Variants in USP13 observed in about 807,000 individuals in gnomAD.
USP13 encodes ubiquitin specific peptidase 13.
Under a neutral mutation model 107.8 loss-of-function variants are expected in USP13, and 68 were observed. The observed-to-expected ratio is 0.63, with a 90% CI of 0.52 to 0.77. USP13 has a LOEUF of 0.77. Ranked by LOEUF, USP13 falls within the 30% of genes least tolerant of loss-of-function variation. USP13 has a pLI of 0.00. For missense variants in USP13, 945 were observed against 1,093.3 expected (o/e 0.86, Z 1.91); for synonymous variants, 377 against 389.5 (o/e 0.97, Z 0.38).
rs192821066 is a variant in USP13, at chr3:179,721,892, A to G, written c.1088+303A>G. Among the ~76,000 whole-genome samples the G allele has an allele frequency of 2.1e-3, 315 of 152,092 alleles. 1 individual carries two copies. Among genetic ancestry groups the G allele is most frequent in the Middle Eastern group, 0.014 (4 of 294 alleles). On this transcript the variant is annotated intron_variant, in intron 8 of 20. Coordinates refer to ENST00000263966, the MANE Select transcript of USP13 (RefSeq NM_003940.3). This position sits in a 1 kb window ranked among gnomAD's most constrained non-coding sequence, Gnocchi z 4.3. Reference sequence around the variant, plus strand: ...CAAGACCAGCCTGACCAACATGACGAAACCCGTCTCTACTAAAAATACAAA... The same window carrying G: ...CAAGACCAGCCTGACCAACATGACGGAACCCGTCTCTACTAAAAATACAAA...
intron 10 of USP13, 92 bp downstream of exon 10, chr3:179,730,801 AT>A: frequency 8.5e-7 from 1 of 1,174,342 alleles, no homozygotes; most frequent in Non-Finnish European, 1.2e-6. Context: ...GTGGCCATAA[AT>A]TTAGCAAGCT....
intron 1 of USP13, among the ~76,000 whole-genome samples, chr3:179,664,223 C>G (rs1177851058): frequency 6.6e-6 from 1 of 151,250 alleles, no homozygotes; most frequent in Non-Finnish European, 1.5e-5. Context: ...TGGGTTCAAG[C>G]TGGGATTACA....
At chr3:179,656,208 G>T (rs1357717662) in intron 1 of USP13, among the ~76,000 whole-genome samples, 1 of 152,220 alleles carries the variant, frequency 6.6e-6, no homozygotes, top group African/African-American at 2.4e-5. Context: ...AATGTATTTG[G>T]AATAAAAAGA....
At chr3:179,750,352 A>G (rs1714568172) in intron 13 of USP13, among the ~76,000 whole-genome samples, 1 of 146,528 alleles carries the variant, frequency 6.8e-6, no homozygotes, top group Non-Finnish European at 1.5e-5. Flanking sequence ...ATATGTATAT[A>G]TATAAAATAT....
intron 6 of USP13, among the ~76,000 whole-genome samples, chr3:179,717,485 G>A (rs1276858520): frequency 6.6e-6 from 1 of 152,204 alleles, no homozygotes; most frequent in African/African-American, 2.4e-5. Flanking sequence ...AATGGGTTAC[G>A]AACTGTGGAG....
intron 2 of USP13, among the ~76,000 whole-genome samples, chr3:179,687,680 A>AAAAAAAAAAAAAAAAAAAAAAAAC (rs1711924816): frequency 7.1e-6 from 1 of 140,796 alleles, no homozygotes; most frequent in Admixed American, 7.2e-5. Flanking sequence ...AAAAAAAAAA[A>AAAAAAAAAAAAAAAAAAAAAAAAC]AAAAAGGACT....
At chr3:179,750,111 A>C (rs1377380622) in intron 13 of USP13, among the ~76,000 whole-genome samples, 1 of 151,848 alleles carries the variant, frequency 6.6e-6, no homozygotes, top group East Asian at 1.9e-4. Flanking sequence ...CTAAAAATAC[A>C]AAAATTAGCT....
In USP13 at chr3:179,754,683, TAAG is replaced by T. The variant is rs1435592941; in HGVS notation, c.1799-48_1799-46del. On this transcript the variant is annotated intron_variant, in intron 14 of 20. Coordinates refer to ENST00000263966, the MANE Select transcript of USP13 (RefSeq NM_003940.3). ...TAGAGTTATAGTGCTGGTATTATAA[TAAG>T]GTGATTATGGAGAGCCCAGTGGATA... is the stretch of plus-strand genomic sequence containing the variant. The T allele has an allele frequency of 4.4e-6, 7 of 1,588,938 alleles. No homozygotes were observed. The Admixed American group carries it at 5.3e-5, about 12-fold the overall frequency.
intron 19 of USP13, among the ~76,000 whole-genome samples, chr3:179,778,949 A>G (rs918035869): frequency 1.3e-5 from 2 of 152,000 alleles, no homozygotes; most frequent in African/African-American, 4.8e-5. Flanking sequence ...TGAGATCTCA[A>G]TGAAGTGATG....
chr3:179,671,079 C>A (rs1336583092), intron 1 of USP13, among the ~76,000 whole-genome samples: 3 of 152,000 alleles, frequency 2.0e-5, no homozygotes, highest in Non-Finnish European at 4.4e-5. Flanking sequence ...ATGTCGAAAC[C>A]CCGTCTCTAC....
chr3:179,768,706 T>C (rs983520534), intron 19 of USP13, among the ~76,000 whole-genome samples: 7 of 152,212 alleles, frequency 4.6e-5, no homozygotes, highest in African/African-American at 1.7e-4. Flanking sequence ...AAATAACTGA[T>C]TGAATGAAGA....
chr3:179,778,647 T>C (rs1045331778), intron 19 of USP13, among the ~76,000 whole-genome samples: 12 of 152,128 alleles, frequency 7.9e-5, no homozygotes, highest in African/African-American at 2.7e-4. Context: ...GTGCCTGTAG[T>C]CCCAGCTACT....
Position 179,742,343 on chromosome 3 carries a change from C to A in USP13, c.1527C>A (p.Thr509=), listed in dbSNP as rs1178694397. Residue 509 remains threonine (T), a synonymous_variant, in exon 12 of 21, where the codon ACC becomes ACA. Transcript: ENST00000263966. This position sits in a 1 kb window ranked among gnomAD's most constrained non-coding sequence, Gnocchi z 5.0. ...TACCTGTGGCCATGGAGGCGGCAACCAACAAGGGTAACAATTCCAAAGCGG... is the reference window on the plus strand; with the variant it reads ...TACCTGTGGCCATGGAGGCGGCAACAAACAAGGGTAACAATTCCAAAGCGG... ...MQLPVAMEAA[T]NKDELIAYEL... is the part of the protein sequence containing the mutation. 2 of 1,614,068 alleles carry A rather than the reference C, an allele frequency of 1.2e-6. No individual in the cohort carries two copies. The highest frequency in any genetic ancestry group is 2.7e-5 in the African/African-American group (2 of 74,940).
intron 12 of USP13, among the ~76,000 whole-genome samples, chr3:179,743,926 G>GTTTTTT (rs35286740): frequency 2.1e-4 from 27 of 126,240 alleles, no homozygotes; most frequent in African/African-American, 7.8e-4. Flanking sequence ...TAAATAAGGA[G>GTTTTTT]TTTTTTTTTT....
At chr3:179,690,695 C>T (rs1212308610) in intron 3 of USP13, among the ~76,000 whole-genome samples, 4 of 152,192 alleles carry the variant, frequency 2.6e-5, no homozygotes, top group Non-Finnish European at 5.9e-5. Flanking sequence ...ACCTCAGCCT[C>T]CCAAGTAGCT....
intron 3 of USP13, among the ~76,000 whole-genome samples, chr3:179,691,167 TAAAA>T (rs57267808): frequency 5.7e-5 from 8 of 140,082 alleles, no homozygotes; most frequent in Admixed American, 7.2e-5. Context: ...ATCCTGTCTT[TAAAA>T]AAAAAAAAAA....
Position 179,653,488 on chromosome 3 carries a change from C to T in USP13, c.168+95C>T, listed in dbSNP as rs1720151087. 6.8e-7 allele frequency: 1 copy of T among 1,466,964 alleles called. No individual in the cohort carries two copies. Among genetic ancestry groups the T allele is most frequent in the Non-Finnish European group, 9.1e-7 (1 of 1,096,294 alleles). 90.9% of individuals were successfully genotyped at this position (1,466,964 alleles called of 1,614,324 possible). A position where few individuals can be genotyped will look rare whatever the true frequency, so the allele number is the denominator to read the frequency against. On this transcript the variant is annotated intron_variant, in intron 1 of 20. Transcript: ENST00000263966. The surrounding 1 kb of genome is among the most constrained non-coding windows in gnomAD (Gnocchi z 4.0). ...TGCGCAGTGGCGGCCGGGACCTCTT[C>T]TCTTCCTCCGGGCGGCAGAGTTGGC...
At chr3:179,757,548 G>C (rs377094990) in intron 16 of USP13, among the ~76,000 whole-genome samples, 6 of 152,282 alleles carry the variant, frequency 3.9e-5, no homozygotes, top group East Asian at 1.9e-4. Flanking sequence ...TGGATTGTTT[G>C]TTAATTTTAT....
chr3:179,734,832 T>G (rs1713931626), intron 10 of USP13, among the ~76,000 whole-genome samples: 1 of 152,236 alleles, frequency 6.6e-6, no homozygotes, highest in Non-Finnish European at 1.5e-5. Flanking sequence ...CTTCCTTTTA[T>G]CCTGTGGTTT....
Sources: gnomAD v4.1 joint callset for allele counts (sites outside exome capture counted in the v4.1 genomes callset) on GRCh38, gnomAD v4.1.1 for gene constraint, Gnocchi (gnomAD v3.1) non-coding constraint, MANE v1.5 for transcripts, NCBI Gene and HGNC (gene_info 2026-07-23, HGNC 2026-07-21) for gene names.